Variants in MEIS2 observed in about 807,000 individuals in gnomAD.
The protein encoded by MEIS2 is homeobox protein Meis2.
Under a neutral mutation model 58.6 loss-of-function variants are expected in MEIS2, and 9 were observed. The observed-to-expected ratio is 0.15, with a 90% CI of 0.09 to 0.27. The LOEUF is 0.27. MEIS2 is among the 10% of genes least tolerant of loss of function. The probability of loss-of-function intolerance (pLI) is 1.00; values close to 1 mark genes in which losing one functional copy is unlikely to be tolerated. For missense variants in MEIS2, 427 were observed against 635.0 expected (o/e 0.67, Z 3.52); for synonymous variants, 221 against 228.4 (o/e 0.97, Z 0.29).
chr15:36,993,218 G>A (rs1595885364), intron 8 of MEIS2, among the ~76,000 whole-genome samples: 1 of 152,204 alleles, frequency 6.6e-6, no homozygotes, highest in Middle Eastern at 3.4e-3. Context: ...AAACCCATGA[G>A]AGTTTAATTC....
chr15:36,938,885 C>G (rs2058273244), intron 9 of MEIS2, among the ~76,000 whole-genome samples: 1 of 152,216 alleles, frequency 6.6e-6, no homozygotes, highest in Non-Finnish European at 1.5e-5. Flanking sequence ...CCAGCCCGTT[C>G]TCTTTCACGC....
intron 8 of MEIS2, among the ~76,000 whole-genome samples, chr15:37,020,689 T>C (rs7182744): frequency 6.6e-6 from 1 of 151,272 alleles, no homozygotes; most frequent in African/African-American, 2.4e-5. Context: ...TTTTTTTTTT[T>C]AATCTCACCA....
At chr15:36,956,108 A>AT (rs2058961571) in intron 8 of MEIS2, among the ~76,000 whole-genome samples, 1 of 146,426 alleles carries the variant, frequency 6.8e-6, no homozygotes. Flanking sequence ...AGGCAGGAGA[A>AT]TGGCGTGAAC....
chr15:36,949,485 A>G (rs1285489702), intron 9 of MEIS2, among the ~76,000 whole-genome samples: 3 of 151,976 alleles, frequency 2.0e-5, no homozygotes, highest in Non-Finnish European at 4.4e-5. Flanking sequence ...TGTAAATACA[A>G]CCTCTGCTAC....
At chr15:37,001,821 G>A (rs4924114) in intron 8 of MEIS2, among the ~76,000 whole-genome samples, 17,599 of 152,040 alleles carry the variant, frequency 0.12, 1,718 homozygotes, top group Admixed American at 0.33. Context: ...TAAGAGGTTC[G>A]ATATACAAAT....
intron 9 of MEIS2, among the ~76,000 whole-genome samples, chr15:36,918,604 C>T (rs2057373658): frequency 6.6e-6 from 1 of 152,086 alleles, no homozygotes; most frequent in African/African-American, 2.4e-5. Context: ...AATAACCATG[C>T]AATAAGATGA....
chr15:36,956,774 C>A (rs911283379), intron 8 of MEIS2, among the ~76,000 whole-genome samples: 4 of 151,696 alleles, frequency 2.6e-5, no homozygotes, highest in African/African-American at 9.7e-5. Context: ...CACCTTTTAC[C>A]TTTCAGTCAC....
chr15:36,901,082 A>T (rs553066172), intron 9 of MEIS2: 1 of 152,254 alleles, frequency 6.6e-6, no homozygotes, highest in Non-Finnish European at 1.5e-5. Flanking sequence ...TGCTTTGCGC[A>T]GGGAAGGGGA....
intron 9 of MEIS2, among the ~76,000 whole-genome samples, chr15:36,907,921 C>A (rs1209219352): frequency 2.7e-5 from 1 of 36,946 alleles, no homozygotes; most frequent in Non-Finnish European, 5.9e-5. Context: ...AGTAAAGGTG[C>A]CAATGGGGAA....
In MEIS2 at chr15:36,891,294, A is replaced by G. The variant is rs1480510735; in HGVS notation, c.*879T>C. On this transcript the variant is annotated 3_prime_UTR_variant, in exon 12 of 12. Transcript: ENST00000561208. ...CACATAGAATATCTAACATGAAACA[A>G]TTAATAGACCGAACTCTGTACGAAG... The G allele has an allele frequency of 6.6e-6, 1 of 152,540 alleles. No homozygotes were observed. Among genetic ancestry groups the G allele is most frequent in the Admixed American group, 6.5e-5 (1 of 15,268 alleles). The allele number at this position is 152,540 out of a possible 1,614,324, so 9.4% of individuals were successfully genotyped here.
chr15:37,006,154 G>C (rs1327923053), intron 8 of MEIS2, among the ~76,000 whole-genome samples: 1 of 151,992 alleles, frequency 6.6e-6, no homozygotes, highest in African/African-American at 2.4e-5. Context: ...GCACTATTTG[G>C]ACCACTGATT....
intron 8 of MEIS2, among the ~76,000 whole-genome samples, chr15:37,031,094 CTTA>C (rs2061902733): frequency 6.6e-6 from 1 of 152,174 alleles, no homozygotes; most frequent in South Asian, 2.1e-4. Flanking sequence ...TATATATGTA[CTTA>C]TTATAAGAAT....
At chr15:36,903,915 G>A (rs551991023) in intron 9 of MEIS2, 1 of 152,328 alleles carries the variant, frequency 6.6e-6, no homozygotes, top group East Asian at 1.9e-4. Context: ...TATTAGATAT[G>A]TTTGAAGAGA....
intron 6 of MEIS2, among the ~76,000 whole-genome samples, chr15:37,087,788 G>T (rs1336607625): frequency 1.3e-5 from 2 of 152,042 alleles, no homozygotes; most frequent in African/African-American, 2.4e-5. Flanking sequence ...ACCTATAAGA[G>T]AATACTTAAT....
intron 1 of MEIS2, chr15:37,099,205 G>T (rs1894789196): frequency 3.5e-6 from 5 of 1,412,558 alleles, no homozygotes; most frequent in Non-Finnish European, 4.6e-6. Context: ...CGCACTCGCC[G>T]CCCGCCCGCT....
intron 8 of MEIS2, among the ~76,000 whole-genome samples, chr15:37,029,318 A>T (rs75079443): frequency 0.046 from 6,971 of 152,266 alleles, 231 homozygotes; most frequent in Middle Eastern, 0.072. Context: ...AATATGAGAA[A>T]GACCATCTCT....
intron 8 of MEIS2, among the ~76,000 whole-genome samples, chr15:36,962,760 T>C (rs2059228184): frequency 6.6e-6 from 1 of 152,242 alleles, no homozygotes; most frequent in Non-Finnish European, 1.5e-5. Flanking sequence ...ATTGGAAATA[T>C]AACCTCATGC....
Position 36,971,536 on chromosome 15 carries a change from T to TAAAAAAAAAAA in MEIS2, c.901-21137_901-21136insTTTTTTTTTTT, listed in dbSNP as rs1567126001. ...TGTATTACTTGTATGCCTTGTTACA[T>TAAAAAAAAAAA]TAAAAAAAAAAAAAAAAAAAAAAAA... On this transcript the variant is annotated intron_variant, in intron 8 of 11. Coordinates refer to ENST00000561208, the MANE Select transcript of MEIS2 (RefSeq NM_170675.5). Among the ~76,000 whole-genome samples, 295 of 65,396 alleles carry TAAAAAAAAAAA rather than the reference T, an allele frequency of 4.5e-3. 49 individuals are homozygous for TAAAAAAAAAAA. Among genetic ancestry groups the TAAAAAAAAAAA allele is most frequent in the African/African-American group, 0.015 (163 of 11,064 alleles). The allele number at this position is 65,396 out of a possible 152,430, so 42.9% of individuals were successfully genotyped here. A position where few individuals can be genotyped will look rare whatever the true frequency, so the allele number is the denominator to read the frequency against.
intron 3 of MEIS2, 29 bp downstream of exon 3, chr15:37,096,260 C>G (rs1411724411): frequency 6.4e-7 from 1 of 1,564,002 alleles, no homozygotes. Flanking sequence ...AGGGACTGCC[C>G]GAAGTTGAGT....
Sources: allele counts gnomAD v4.1 joint callset (sites outside exome capture counted in the v4.1 genomes callset), GRCh38; gene constraint gnomAD v4.1.1; transcripts MANE v1.5; gene names NCBI Gene and HGNC (gene_info 2026-07-23, HGNC 2026-07-21).